SOS2: variants seen among roughly 807,000 people sequenced by gnomAD.
SOS2 encodes the protein SOS Ras/Rho guanine nucleotide exchange factor 2, also known as son of sevenless homolog 2.
Under a neutral mutation model 148.2 loss-of-function variants are expected in SOS2, and 65 were observed. The ratio of observed to expected loss-of-function variants is 0.44; its 90% CI spans 0.36 to 0.54. The LOEUF (loss-of-function observed/expected upper bound fraction) is 0.54. Ranked by LOEUF, SOS2 falls within the 20% of genes least tolerant of loss-of-function variation. The pLI is 0.00. For synonymous variants in SOS2, 539 were observed against 537.1 expected (o/e 1.00, Z -0.05); for missense variants, 1,341 against 1,590.2 (o/e 0.84, Z 2.67).
At chr14:50,190,956 T>C (rs1310332344) in intron 4 of SOS2, among the ~76,000 whole-genome samples, 1 of 152,196 alleles carries the variant, frequency 6.6e-6, no homozygotes, top group Non-Finnish European at 1.5e-5. Flanking sequence ...ACAGAAGAGC[T>C]ACCACCCTCT....
intron 1 of SOS2, among the ~76,000 whole-genome samples, chr14:50,212,952 G>A (rs775417761): frequency 4.6e-5 from 7 of 152,186 alleles, no homozygotes; most frequent in Non-Finnish European, 8.8e-5. Context: ...CCATGCTAAC[G>A]TGACATTCTT....
chr14:50,142,336 T>C (rs1884322799), intron 16 of SOS2, among the ~76,000 whole-genome samples: 1 of 152,210 alleles, frequency 6.6e-6, no homozygotes, highest in Non-Finnish European at 1.5e-5. Flanking sequence ...TAAGTATTAA[T>C]ATCTTTAACA....
intron 2 of SOS2, among the ~76,000 whole-genome samples, chr14:50,201,808 C>G (rs1886499960): frequency 6.6e-6 from 1 of 152,182 alleles, no homozygotes. Flanking sequence ...TACAGCCACT[C>G]TCCTTTCGTT....
intron 13 of SOS2, among the ~76,000 whole-genome samples, chr14:50,152,269 T>A (rs1884681891): frequency 1.3e-5 from 2 of 152,308 alleles, no homozygotes; most frequent in Admixed American, 6.5e-5. Flanking sequence ...TTTGTTTAAA[T>A]GTTCATGGCC....
chr14:50,174,671 G>T (rs2139679589), intron 7 of SOS2, 119 bp from the exon 8 acceptor site: 2 of 479,636 alleles, frequency 4.2e-6, no homozygotes, highest in South Asian at 9.7e-5. Context: ...AACTACAACA[G>T]AATGCATATT....
chr14:50,171,121 A>AG (rs1555370832), intron 8 of SOS2, among the ~76,000 whole-genome samples: 4 of 151,954 alleles, frequency 2.6e-5, no homozygotes, highest in African/African-American at 4.8e-5. Context: ...TCTCAAAAAA[A>AG]AAAAAGAAAA....
chr14:50,164,247 C>A (rs376001597), intron 8 of SOS2, among the ~76,000 whole-genome samples: 1 of 152,156 alleles, frequency 6.6e-6, no homozygotes, highest in African/African-American at 2.4e-5. Flanking sequence ...TCAAGACCAG[C>A]CTGACCACAC....
At chr14:50,182,717 C>T (rs943113579) in intron 5 of SOS2, 111 bp from the exon 6 acceptor site, 1 of 755,086 alleles carries the variant, frequency 1.3e-6, no homozygotes, top group Non-Finnish European at 2.1e-6. Context: ...TATGGAATAG[C>T]CCTGCTCCAC....
At position 50,157,066 on chromosome 14, in the gene SOS2, C is replaced by G. The variant is rs1884844881; in HGVS notation, c.1990G>C (p.Gly664Arg). The G allele has an allele frequency of 3.1e-6, 5 of 1,612,810 alleles. No individual in the cohort carries two copies. The highest frequency in any genetic ancestry group is 4.2e-6 in the Non-Finnish European group (5 of 1,179,212). Reference protein sequence around the residue: ...TDADKLAIEKGEQPISADLKR... With the variant: ...TDADKLAIEKREQPISADLKR... ...AGGTCTGCACTGATTGGCTGCTCGC[C>G]TTTCTCTATTGCCAATTTGTCTGCG... Residue 664 changes from glycine to arginine, a missense_variant, in exon 12 of 23, where the codon GGC (glycine) becomes CGC (arginine). Transcript: ENST00000216373.
chr14:50,142,010 CTTTT>C (rs143071093), intron 16 of SOS2, among the ~76,000 whole-genome samples: 28,484 of 142,960 alleles, frequency 0.2, 2,819 homozygotes, highest in East Asian at 0.44. Flanking sequence ...ATTAATATTT[CTTTT>C]TTTTTTTTTT....
At chr14:50,139,306 T>A (rs1309609150) in intron 17 of SOS2, among the ~76,000 whole-genome samples, 1 of 152,232 alleles carries the variant, frequency 6.6e-6, no homozygotes, top group Non-Finnish European at 1.5e-5. Context: ...CCCTTTTTCA[T>A]GCGTAATTGC....
intron 5 of SOS2, 82 bp from the exon 6 acceptor site, chr14:50,182,688 C>T: frequency 9.1e-7 from 1 of 1,100,896 alleles, no homozygotes; most frequent in South Asian, 1.4e-5. Flanking sequence ...GCAATATAGG[C>T]TACTCGAGGC....
chr14:50,169,231 G>A (rs567197776), intron 8 of SOS2, among the ~76,000 whole-genome samples: 4 of 152,168 alleles, frequency 2.6e-5, no homozygotes, highest in African/African-American at 7.2e-5. Context: ...CAAGAGAATC[G>A]TTTAAACCTG....
intron 1 of SOS2, among the ~76,000 whole-genome samples, chr14:50,224,277 C>G (rs1046722020): frequency 1.4e-4 from 18 of 125,176 alleles, no homozygotes; most frequent in South Asian, 5.4e-4. Flanking sequence ...GGTGACAGAG[C>G]AAGACTCCGT....
chr14:50,216,758 A>G (rs1400837683), intron 1 of SOS2, among the ~76,000 whole-genome samples: 1 of 142,286 alleles, frequency 7.0e-6, no homozygotes, highest in Non-Finnish European at 1.5e-5. Flanking sequence ...AAAATACAAT[A>G]AACATGAATA....
rs1204616641 is a variant in SOS2 at position 50,139,796 on chromosome 14, T to C, written c.2785+146A>G. On this transcript the variant is annotated intron_variant, in intron 17 of 22. Coordinates refer to ENST00000216373, the MANE Select transcript of SOS2 (RefSeq NM_006939.4). ...ATTATAGTCTTCATTTTATAGAAAA[T>C]AGAGAGTTTTATTATTTATTAATAC... 16 of 485,032 alleles carry C rather than the reference T, an allele frequency of 3.3e-5. No individual in the cohort carries two copies. In the South Asian group the frequency reaches 6.1e-4, roughly 18 times the overall value. 30.0% of individuals were successfully genotyped at this position (485,032 alleles called of 1,614,324 possible).
At chr14:50,163,133 GT>G (rs902080857) in intron 8 of SOS2, among the ~76,000 whole-genome samples, 5 of 150,248 alleles carry the variant, frequency 3.3e-5, no homozygotes, top group Non-Finnish European at 7.4e-5. Context: ...CCCTCAAACT[GT>G]TTTAATCTTT....
chr14:50,200,803 T>C lies in SOS2; in HGVS notation c.345+150A>G. 3 of 595,690 alleles carry C rather than the reference T, an allele frequency of 5.0e-6. No homozygotes were observed. In the South Asian group the frequency reaches 7.7e-5, roughly 15 times the overall value. 36.9% of individuals were successfully genotyped at this position (595,690 alleles called of 1,614,324 possible). A position where few individuals can be genotyped will look rare whatever the true frequency, so the allele number is the denominator to read the frequency against. ...CATAATCATTTTGTATACATATTAA[T>C]ATATGCGATGTGTATGTACAAGCAT... On this transcript the variant is annotated intron_variant, in intron 3 of 22. Coordinates refer to ENST00000216373, the MANE Select transcript of SOS2 (RefSeq NM_006939.4).
intron 8 of SOS2, among the ~76,000 whole-genome samples, chr14:50,164,851 C>A (rs1885121130): frequency 6.6e-6 from 1 of 152,066 alleles, no homozygotes. Context: ...TTTGAAATAT[C>A]AAATTTATAG....
Sources: gnomAD v4.1 joint callset for allele counts (sites outside exome capture counted in the v4.1 genomes callset) on GRCh38, gnomAD v4.1.1 for gene constraint, MANE v1.5 for transcripts, NCBI Gene and HGNC (gene_info 2026-07-23, HGNC 2026-07-21) for gene names.